Variants in SULF2 observed in about 807,000 individuals in gnomAD.
The protein encoded by SULF2 is sulfatase 2, also known as extracellular sulfatase Sulf-2.
A neutral mutation model predicts 107.7 loss-of-function variants in SULF2; 52 were observed. The ratio of observed to expected loss-of-function variants is 0.48; its 90% CI spans 0.39 to 0.61. The LOEUF (loss-of-function observed/expected upper bound fraction) is 0.61, where lower values mean the gene tolerates loss of function less well. Among genes scored for constraint, SULF2 ranks in the 20% least tolerant of loss-of-function variants. The probability of loss-of-function intolerance (pLI) is 0.00; values close to 1 mark genes in which losing one functional copy is unlikely to be tolerated. For missense variants in SULF2, 993 were observed against 1,177.3 expected (o/e 0.84, Z 2.29); for synonymous variants, 460 against 464.3 (o/e 0.99, Z 0.12).
chr20:47,767,441 T>G (rs1192586817), intron 1 of SULF2, among the ~76,000 whole-genome samples: 1 of 151,740 alleles, frequency 6.6e-6, no homozygotes, highest in Non-Finnish European at 1.5e-5. Flanking sequence ...GGTCCAGAGT[T>G]TGAGATCAGC....
intron 2 of SULF2, among the ~76,000 whole-genome samples, chr20:47,753,030 G>A (rs1297712803): frequency 1.3e-5 from 2 of 148,584 alleles, no homozygotes; most frequent in African/African-American, 2.5e-5. Flanking sequence ...GAACCCAGGA[G>A]GCAGAGGTTG....
At chr20:47,741,663 T>C (rs887646785) in intron 2 of SULF2, among the ~76,000 whole-genome samples, 1 of 152,086 alleles carries the variant, frequency 6.6e-6, no homozygotes, top group Non-Finnish European at 1.5e-5. Flanking sequence ...GCACCCCAAG[T>C]GGAATCGATC....
At chr20:47,784,654 G>A (rs899385893) in intron 1 of SULF2, among the ~76,000 whole-genome samples, 2 of 152,192 alleles carry the variant, frequency 1.3e-5, no homozygotes, top group Non-Finnish European at 2.9e-5. Context: ...CGCGGTGCCC[G>A]GCACGAGGGG....
chr20:47,740,910 A>T (rs2089863338), intron 2 of SULF2, among the ~76,000 whole-genome samples: 1 of 151,156 alleles, frequency 6.6e-6, no homozygotes, highest in African/African-American at 2.4e-5. Flanking sequence ...TCCCGAAGCC[A>T]CTCCCCTTTC....
At chr20:47,765,369 AAC>A (rs775839934) in intron 1 of SULF2, among the ~76,000 whole-genome samples, 23 of 94,948 alleles carry the variant, frequency 2.4e-4, no homozygotes, top group African/African-American at 8.9e-4. Flanking sequence ...AACAAAACAA[AAC>A]AAAAAAAAAA....
rs1186265961 is a variant in SULF2, at chr20:47,666,770, G to A, written c.1577-282C>T. On this transcript the variant is annotated intron_variant, in intron 11 of 20. Transcript: ENST00000688720. This position sits in a 1 kb window ranked among gnomAD's most constrained non-coding sequence, Gnocchi z 5.4. ...AGCTGCTTGCGGGTAAACAAATGGC[G>A]GTACATCATCTGTACAACGGAATAT... Among the ~76,000 whole-genome samples the A allele has an allele frequency of 2.0e-5, 3 of 152,200 alleles. No homozygotes were observed. Among genetic ancestry groups the A allele is most frequent in the South Asian group, 2.1e-4 (1 of 4,836 alleles).
intron 2 of SULF2, among the ~76,000 whole-genome samples, chr20:47,747,020 C>T (rs11698200): frequency 0.12 from 8,378 of 67,610 alleles, 257 homozygotes; most frequent in East Asian, 0.26. Flanking sequence ...TATATATATA[C>T]ACACACACAC....
At chr20:47,763,827 G>T (rs2090468877) in intron 1 of SULF2, among the ~76,000 whole-genome samples, 1 of 152,162 alleles carries the variant, frequency 6.6e-6, no homozygotes, top group South Asian at 2.1e-4. Flanking sequence ...CCATCAAGCA[G>T]CCAGACAGAT....
At chr20:47,720,863 AG>A (rs1400127077) in intron 3 of SULF2, among the ~76,000 whole-genome samples, 1 of 152,208 alleles carries the variant, frequency 6.6e-6, no homozygotes, top group African/African-American at 2.4e-5. Flanking sequence ...TTAACCTAGC[AG>A]GGGAGCTGGA....
At chr20:47,659,528 A>C in intron 19 of SULF2, 76 bp from the exon 20 acceptor site, 1 of 1,514,958 alleles carries the variant, frequency 6.6e-7, no homozygotes, top group Non-Finnish European at 9.2e-7. Flanking sequence ...GAACTATACA[A>C]AGAAGGTCTC....
chr20:47,786,280 T>A (rs1254287790), upstream of SULF2: 2 of 152,138 alleles, frequency 1.3e-5, no homozygotes, highest in Non-Finnish European at 2.9e-5. Context: ...TCTTTTCCGC[T>A]TTCTTCTTCT....
intron 1 of SULF2, among the ~76,000 whole-genome samples, chr20:47,770,787 A>AGC (rs2090615291): frequency 6.6e-6 from 1 of 151,878 alleles, no homozygotes; most frequent in African/African-American, 2.4e-5. Context: ...CGGAGTGGGC[A>AGC]CCTCCATGTG....
At chr20:47,677,658 A>T (rs571008356) in intron 8 of SULF2, among the ~76,000 whole-genome samples, 6 of 152,162 alleles carry the variant, frequency 3.9e-5, no homozygotes, top group African/African-American at 1.2e-4. Context: ...TTGCAGTTGC[A>T]TGTATGTAAT....
At chr20:47,681,231 A>C (rs1568807154) in intron 7 of SULF2, among the ~76,000 whole-genome samples, 1 of 152,220 alleles carries the variant, frequency 6.6e-6, no homozygotes, top group Non-Finnish European at 1.5e-5. Flanking sequence ...GGAGCTGTGC[A>C]TGGACTTTTC....
chr20:47,690,438 G>A, intron 4 of SULF2, 143 bp from the exon 5 acceptor site: 1 of 509,602 alleles, frequency 2.0e-6, no homozygotes. Context: ...GACAGTCTAG[G>A]GAGCAGACAG....
At position 47,666,690 on chromosome 20, in the gene SULF2, C is replaced by G. The variant is rs575082383; in HGVS notation, c.1577-202G>C. On this transcript the variant is annotated intron_variant, in intron 11 of 20. Transcript: ENST00000688720. The surrounding 1 kb of genome is among the most constrained non-coding windows in gnomAD (Gnocchi z 5.4). ...GAGGGCCTCGAGGTGATCACACCGGCAAGACGGAAGTCCTGGAGCCAAGAA... is the reference window on the plus strand; with the variant it reads ...GAGGGCCTCGAGGTGATCACACCGGGAAGACGGAAGTCCTGGAGCCAAGAA... 6.6e-6 allele frequency among the ~76,000 whole-genome samples: 1 copy of G among 152,212 alleles called. No homozygotes were observed. Among genetic ancestry groups the G allele is most frequent in the Non-Finnish European group, 1.5e-5 (1 of 68,030 alleles).
At chr20:47,669,660 C>A (rs1261465080) in intron 11 of SULF2, among the ~76,000 whole-genome samples, 1 of 152,130 alleles carries the variant, frequency 6.6e-6, no homozygotes, top group African/African-American at 2.4e-5. Context: ...GCCACGTGAC[C>A]CAGTCTTTCC....
intron 4 of SULF2, 98 bp downstream of exon 4, chr20:47,702,421 C>G: frequency 7.1e-7 from 1 of 1,413,358 alleles, no homozygotes; most frequent in Non-Finnish European, 9.6e-7. Flanking sequence ...TTTTAAGTGC[C>G]TGAGTCACAA....
At chr20:47,776,884 C>T (rs1049873808) in intron 1 of SULF2, among the ~76,000 whole-genome samples, 1 of 152,226 alleles carries the variant, frequency 6.6e-6, no homozygotes, top group Non-Finnish European at 1.5e-5. Context: ...CAGGTTTTGA[C>T]ATCCTTGCCC....
Sources: gnomAD v4.1 joint callset for allele counts (sites outside exome capture counted in the v4.1 genomes callset) on GRCh38, gnomAD v4.1.1 for gene constraint, Gnocchi (gnomAD v3.1) non-coding constraint, MANE v1.5 for transcripts, NCBI Gene and HGNC (gene_info 2026-07-23, HGNC 2026-07-21) for gene names.